The following PDE7B variants were observed in gnomAD, a reference collection of about 807,000 sequenced individuals.
PDE7B encodes 3',5'-cyclic-AMP phosphodiesterase 7B.
In PDE7B, 29 loss-of-function variants were observed where a neutral mutation model predicts 56.2. The observed-to-expected ratio is 0.52, with a 90% confidence interval of 0.38 to 0.70. The LOEUF (loss-of-function observed/expected upper bound fraction) is 0.70, where lower values mean the gene tolerates loss of function less well. Among genes scored for constraint, PDE7B ranks in the 30% least tolerant of loss-of-function variants. PDE7B has a pLI of 0.00. For synonymous variants in PDE7B, 197 were observed against 196.9 expected (o/e 1.00, Z 0.00); for missense variants, 490 against 565.0 (o/e 0.87, Z 1.35).
chr6:135,918,823 G>A (rs1177657481), intron 1 of PDE7B, among the ~76,000 whole-genome samples: 2 of 152,102 alleles, frequency 1.3e-5, no homozygotes, highest in South Asian at 2.1e-4. Context: ...TTTCTCTCAT[G>A]TTTGAAATAT....
At chr6:136,180,740 T>A (rs2128451203) in intron 10 of PDE7B, among the ~76,000 whole-genome samples, 1 of 152,350 alleles carries the variant, frequency 6.6e-6, no homozygotes, top group African/African-American at 2.4e-5. Flanking sequence ...CATTCCTGGG[T>A]TTGATACGAC....
chr6:136,173,472 C>CA (rs1273640621), intron 8 of PDE7B, among the ~76,000 whole-genome samples: 1 of 152,192 alleles, frequency 6.6e-6, no homozygotes, highest in Non-Finnish European at 1.5e-5. Context: ...GTCACTGCTT[C>CA]ACTTTCTTTC....
At chr6:136,147,674 A>C (rs1778439714) in intron 4 of PDE7B, among the ~76,000 whole-genome samples, 172 bp downstream of exon 4, 1 of 152,190 alleles carries the variant, frequency 6.6e-6, no homozygotes, top group Non-Finnish European at 1.5e-5. Flanking sequence ...ATTAACAGAA[A>C]CATCCCCCTT....
At chr6:135,852,908 A>G (rs966127540) in intron 1 of PDE7B, among the ~76,000 whole-genome samples, 1 of 152,218 alleles carries the variant, frequency 6.6e-6, no homozygotes, top group African/African-American at 2.4e-5. Context: ...AGAGACAGGC[A>G]TAGGCATTCA....
intron 2 of PDE7B, among the ~76,000 whole-genome samples, chr6:135,957,842 C>T (rs1774825478): frequency 6.6e-6 from 1 of 152,122 alleles, no homozygotes; most frequent in Non-Finnish European, 1.5e-5. Context: ...ACATCCACCT[C>T]CCACTTTGTG....
intron 2 of PDE7B, among the ~76,000 whole-genome samples, chr6:136,002,107 G>A (rs1049554428): frequency 1.3e-5 from 2 of 152,240 alleles, no homozygotes; most frequent in African/African-American, 2.4e-5. Flanking sequence ...ACTAAGCTTC[G>A]TAAGTGAAGG....
chr6:135,893,744 C>T (rs1221255643), intron 1 of PDE7B, among the ~76,000 whole-genome samples: 2 of 152,160 alleles, frequency 1.3e-5, no homozygotes, highest in African/African-American at 2.4e-5. Context: ...ATGATAAGCA[C>T]ATAGCAGGTA....
chr6:135,905,642 G>A (rs909642668), intron 1 of PDE7B, among the ~76,000 whole-genome samples: 1 of 152,064 alleles, frequency 6.6e-6, no homozygotes, highest in African/African-American at 2.4e-5. Context: ...GCCGAACATC[G>A]TGGAAGCCTA....
At chr6:136,084,463 A>G in intron 2 of PDE7B, among the ~76,000 whole-genome samples, 1 of 152,186 alleles carries the variant, frequency 6.6e-6, no homozygotes, top group Non-Finnish European at 1.5e-5. Context: ...AGAGTAGGGA[A>G]GGGAAATTTT....
chr6:135,990,919 T>TA (rs1434536108), intron 2 of PDE7B, among the ~76,000 whole-genome samples: 3 of 152,266 alleles, frequency 2.0e-5, no homozygotes, highest in African/African-American at 7.2e-5. Flanking sequence ...TGCCCATTTT[T>TA]ATGGTTATCT....
At chr6:136,053,142 T>C (rs1474367936) in intron 2 of PDE7B, among the ~76,000 whole-genome samples, 1 of 151,948 alleles carries the variant, frequency 6.6e-6, no homozygotes, top group African/African-American at 2.4e-5. Flanking sequence ...ATGTGCCACG[T>C]TGGTGTGCTG....
At chr6:135,902,187 A>G (rs530503443) in intron 1 of PDE7B, among the ~76,000 whole-genome samples, 19 of 152,298 alleles carry the variant, frequency 1.2e-4, no homozygotes, top group African/African-American at 4.6e-4. Flanking sequence ...TTGGGATAAG[A>G]AGGGTGCATT....
At chr6:135,887,223 C>A (rs1475669265) in intron 1 of PDE7B, among the ~76,000 whole-genome samples, 4 of 151,948 alleles carry the variant, frequency 2.6e-5, no homozygotes, top group Admixed American at 6.6e-5. Flanking sequence ...TGTTTTTCTT[C>A]TTGCTGATTT....
At chr6:136,151,319 T>G in intron 6 of PDE7B, 64 bp downstream of exon 6, 1 of 819,756 alleles carries the variant, frequency 1.2e-6, no homozygotes, top group Non-Finnish European at 2.1e-6. Context: ...ATAATACTCT[T>G]TAATATAAAG....
chr6:135,896,593 T>C (rs995328039), intron 1 of PDE7B, among the ~76,000 whole-genome samples: 4 of 152,152 alleles, frequency 2.6e-5, no homozygotes, highest in South Asian at 4.1e-4. Flanking sequence ...TTGCAACTTA[T>C]ATTGTTGCAA....
intron 8 of PDE7B, among the ~76,000 whole-genome samples, chr6:136,164,945 T>C (rs114645026): frequency 6.6e-6 from 1 of 152,216 alleles, no homozygotes; most frequent in Non-Finnish European, 1.5e-5. Context: ...AAGAGTGATA[T>C]AGTAAGTTTA....
At chr6:136,038,985 T>C (rs926576270) in intron 2 of PDE7B, among the ~76,000 whole-genome samples, 4 of 152,170 alleles carry the variant, frequency 2.6e-5, no homozygotes, top group African/African-American at 9.7e-5. Flanking sequence ...ATTTACAGCA[T>C]GTATTATGTT....
At chr6:135,932,162 A>G (rs1485063957) in intron 1 of PDE7B, among the ~76,000 whole-genome samples, 1 of 152,184 alleles carries the variant, frequency 6.6e-6, no homozygotes, top group Admixed American at 6.6e-5. Flanking sequence ...AGGCTCAAAA[A>G]CAATCAGGAA....
chr6:136,000,377 T>C (rs560287062), intron 2 of PDE7B, among the ~76,000 whole-genome samples: 3 of 152,306 alleles, frequency 2.0e-5, no homozygotes, highest in African/African-American at 7.2e-5. Context: ...GTTTTTATAG[T>C]TTTGGGTTTT....
Sources: allele counts gnomAD v4.1 joint callset (sites outside exome capture counted in the v4.1 genomes callset), GRCh38; gene constraint gnomAD v4.1.1; transcripts MANE v1.5; gene names NCBI Gene and HGNC (gene_info 2026-07-23, HGNC 2026-07-21).